The following MINAR1 variants were observed in gnomAD, a reference collection of about 807,000 sequenced individuals.
The protein encoded by MINAR1 is major intrinsically disordered Notch2-binding receptor 1.
In MINAR1, 40 loss-of-function variants were observed where a neutral mutation model predicts 65.1. That is an observed-to-expected ratio of 0.61 (90% CI 0.48 to 0.80). The LOEUF is 0.80. Among genes scored for constraint, MINAR1 ranks in the 30% least tolerant of loss-of-function variants. The pLI is 0.00. For missense variants in MINAR1, 1,128 were observed against 1,148.0 expected, an observed-to-expected ratio of 0.98 and a Z score of 0.25; for synonymous variants, 482 against 449.1, an observed-to-expected ratio of 1.07 and a Z score of -0.93.
the MINAR1 span, chr15:79,417,273 A>G: frequency 6.6e-6 from 1 of 152,266 alleles, no homozygotes; most frequent in Non-Finnish European, 1.5e-5. Context: ...GGAAGCTGTT[A>G]ATGTAAGCAT....
At chr15:79,439,334 TA>T (rs1894790727) in intron 1 of MINAR1, among the ~76,000 whole-genome samples, 2 of 35,354 alleles carry the variant, frequency 5.7e-5, no homozygotes, top group African/African-American at 8.6e-5. Context: ...GTGGGTGGGG[TA>T]GGCAGTGTGT....
Position 79,456,897 on chromosome 15 carries a change from C to G in MINAR1, c.750C>G (p.Val250=). 6.2e-7 allele frequency: 1 copy of G among 1,614,128 alleles called. No individual in the cohort carries two copies. Among genetic ancestry groups the G allele is most frequent in the Non-Finnish European group, 8.5e-7 (1 of 1,180,024 alleles). The change falls in exon 2 of 4, where the codon GTC becomes GTG. Residue 250 remains valine (V), a synonymous_variant. Transcript: ENST00000305428. ...TFISNEEPFV[V]QSCVQKRNIF... ...TTTCCAATGAGGAGCCATTTGTGGT[C>G]CAGTCCTGTGTCCAGAAAAGGAATA...
At chr15:79,459,331 A>C (rs1185209313) in intron 2 of MINAR1, among the ~76,000 whole-genome samples, 2 of 152,192 alleles carry the variant, frequency 1.3e-5, no homozygotes, top group African/African-American at 4.8e-5. Flanking sequence ...GCATGTTTAT[A>C]GCAGACTTCA....
At chr15:79,414,640 G>A in the MINAR1 span, 1 of 152,296 alleles carries the variant, frequency 6.6e-6, no homozygotes, top group South Asian at 2.1e-4. Flanking sequence ...GGATGGTATA[G>A]CTAAAAAGAA....
rs538077419 is a variant in MINAR1, at chr15:79,456,685, G to C, written c.538G>C (p.Gly180Arg). Residue 180 changes from glycine to arginine, a missense_variant, in exon 2 of 4, where the codon GGA becomes CGA. By Grantham distance (125) the Gly-to-Arg change is moderately radical. Coordinates refer to ENST00000305428, the MANE Select transcript of MINAR1 (RefSeq NM_015206.3). The stretch of plus-strand genomic sequence containing the variant: ...TGCCTCTGAGCCTAACTTCCTGTTG[G>C]GAGTTAGCAAAGAGGTGAAAAACCG... ...VPASEPNFLL[G>R]VSKEVKNRAA... The C allele has an allele frequency of 4.3e-6, 7 of 1,614,046 alleles. No individual in the cohort carries two copies. The East Asian group carries it at 1.3e-4, about 31-fold the overall frequency.
chr15:79,415,432 A>G, the MINAR1 span: 1 of 152,176 alleles, frequency 6.6e-6, no homozygotes, highest in Non-Finnish European at 1.5e-5. Context: ...AGATTACCCA[A>G]CTTGGGCCTT....
intron 1 of MINAR1, among the ~76,000 whole-genome samples, chr15:79,452,733 TGGGTGTGTGGGGG>T (rs1197293522): frequency 9.7e-6 from 1 of 103,178 alleles, no homozygotes; most frequent in Non-Finnish European, 2.2e-5. Flanking sequence ...TGAGTCTGTG[TGGGTGTGTGGGGG>T]GGGTGTGTGG....
the MINAR1 span, chr15:79,425,313 C>T: frequency 6.6e-6 from 1 of 152,326 alleles, no homozygotes; most frequent in Non-Finnish European, 1.5e-5. Context: ...GGATTACAGG[C>T]CTGAGCCACC....
the MINAR1 span, chr15:79,423,599 CA>C: frequency 5.2e-5 from 8 of 152,398 alleles, no homozygotes; most frequent in African/African-American, 1.9e-4. Context: ...ACTTTCTTGG[CA>C]TCTGCCTTTC....
At position 79,457,070 on chromosome 15, in the gene MINAR1, A is replaced by G. The variant is rs377621626; in HGVS notation, c.923A>G (p.Tyr308Cys). 1.4e-5 allele frequency: 22 copies of G among 1,614,032 alleles called. No individual in the cohort carries two copies. The highest frequency in any genetic ancestry group is 2.7e-5 in the African/African-American group (2 of 74,924). ...PFFNHSFEMP[Y>C]NSQYLNPVYS... The stretch of plus-strand genomic sequence containing the variant: ...TTCAACCACAGCTTTGAAATGCCCT[A>G]TAACAGCCAGTACCTGAATCCAGTG... Residue 308 changes from tyrosine (Y) to cysteine (C), a missense_variant, in exon 2 of 4, where the codon TAT becomes TGT. Tyr to Cys is a radical substitution (Grantham distance 194, BLOSUM62 -2). Coordinates refer to ENST00000305428, the MANE Select transcript of MINAR1 (RefSeq NM_015206.3).
chr15:79,427,827 C>T (rs1254601868), upstream of MINAR1, among the ~76,000 whole-genome samples: 1 of 152,172 alleles, frequency 6.6e-6, no homozygotes, highest in East Asian at 1.9e-4. Context: ...GGTGAAGTCA[C>T]TAAGTGCTGT....
intron 1 of MINAR1, among the ~76,000 whole-genome samples, chr15:79,435,587 C>T (rs1894576730): frequency 6.6e-6 from 1 of 151,330 alleles, no homozygotes; most frequent in African/African-American, 2.5e-5. Context: ...AGCCCTGGAC[C>T]TTCTGAGTCT....
At position 79,456,307 on chromosome 15, in the gene MINAR1, G is replaced by A. The variant is rs1343264779; in HGVS notation, c.160G>A (p.Ala54Thr). ...AKLRSVLFYT[A>T]CLDPNFPATL... ...ACTGAGAAGTGTGCTCTTCTACACAGCTTGTCTCGATCCCAATTTTCCAGC... is the reference window on the plus strand; with the variant it reads ...ACTGAGAAGTGTGCTCTTCTACACAACTTGTCTCGATCCCAATTTTCCAGC... Residue 54 changes from alanine to threonine, a missense_variant, in exon 2 of 4, where the codon GCT (alanine) becomes ACT (threonine). Ala to Thr is a moderately conservative substitution (Grantham distance 58, BLOSUM62 0). Coordinates refer to ENST00000305428, the MANE Select transcript of MINAR1 (RefSeq NM_015206.3). The A allele has an allele frequency of 6.2e-7, 1 of 1,614,208 alleles. No homozygotes were observed. Among genetic ancestry groups the A allele is most frequent in the Non-Finnish European group, 8.5e-7 (1 of 1,180,034 alleles).
At chr15:79,453,072 G>A (rs925858575) in intron 1 of MINAR1, among the ~76,000 whole-genome samples, 1 of 151,840 alleles carries the variant, frequency 6.6e-6, no homozygotes, top group Non-Finnish European at 1.5e-5. Context: ...GACCAGATCC[G>A]GCTTCAGACT....
chr15:79,452,260 GTC>G (rs1211135673), intron 1 of MINAR1, among the ~76,000 whole-genome samples: 8 of 151,516 alleles, frequency 5.3e-5, no homozygotes, highest in Non-Finnish European at 1.0e-4. Flanking sequence ...ATGAGCGTGA[GTC>G]TGTGTGTTTA....
chr15:79,434,997 G>A (rs1327374898), intron 1 of MINAR1, among the ~76,000 whole-genome samples: 5 of 152,240 alleles, frequency 3.3e-5, no homozygotes, highest in Admixed American at 6.5e-5. Flanking sequence ...GTAAGTGGCC[G>A]GGAGCTGTGG....
chr15:79,452,654 G>T (rs1895260228), intron 1 of MINAR1, among the ~76,000 whole-genome samples: 1 of 149,026 alleles, frequency 6.7e-6, no homozygotes, highest in Non-Finnish European at 1.5e-5. Flanking sequence ...GTGTGTCTGG[G>T]TGAGTGTGGG....
chr15:79,431,133 G>A (rs547644378), upstream of MINAR1, among the ~76,000 whole-genome samples: 2 of 152,142 alleles, frequency 1.3e-5, no homozygotes, highest in Admixed American at 1.3e-4. Context: ...CTGTCCCTGG[G>A]GAGGTATGCT....
At chr15:79,424,577 C>T in the MINAR1 span, 1 of 152,180 alleles carries the variant, frequency 6.6e-6, no homozygotes, top group African/African-American at 2.4e-5. Context: ...TAATGTTAAG[C>T]TTGGGCTGGG....
Sources: allele counts gnomAD v4.1 joint callset (sites outside exome capture counted in the v4.1 genomes callset), GRCh38; gene constraint gnomAD v4.1.1; transcripts MANE v1.5; gene names NCBI Gene and HGNC (gene_info 2026-07-23, HGNC 2026-07-21).